Variants in OCA2 observed in about 807,000 individuals in gnomAD.
OCA2 encodes OCA2 melanosomal transmembrane protein, also known as P protein.
In OCA2, 77 loss-of-function variants were observed where a neutral mutation model predicts 100.2. The ratio of observed to expected loss-of-function variants is 0.77; its 90% CI spans 0.64 to 0.93. The LOEUF (loss-of-function observed/expected upper bound fraction) is 0.93, where lower values mean the gene tolerates loss of function less well. OCA2 is among the 40% of genes least tolerant of loss of function. OCA2 has a pLI of 0.00. For synonymous variants in OCA2, 432 were observed against 439.2 expected, an observed-to-expected ratio of 0.98 and a Z score of 0.21; for missense variants, 1,062 against 1,089.1, an observed-to-expected ratio of 0.98 and a Z score of 0.35.
At chr15:27,846,930 T>C (rs2035558735) in intron 22 of OCA2, among the ~76,000 whole-genome samples, 1 of 152,046 alleles carries the variant, frequency 6.6e-6, no homozygotes, top group Non-Finnish European at 1.5e-5. Context: ...AGGGCTGGCT[T>C]ATGTCATGGG....
chr15:27,816,808 A>C (rs567042573), intron 23 of OCA2, among the ~76,000 whole-genome samples: 1 of 152,136 alleles, frequency 6.6e-6, no homozygotes, highest in Non-Finnish European at 1.5e-5. Flanking sequence ...CTATAGGAGC[A>C]GGAGGCTTCT....
chr15:27,792,878 G>A lies in OCA2; in HGVS notation c.2433-37406C>T, dbSNP rs145438380. 3.7e-3 allele frequency among the ~76,000 whole-genome samples: 565 copies of A among 152,326 alleles called. 2 individuals are homozygous for A. The highest frequency in any genetic ancestry group is 6.1e-3 in the Non-Finnish European group (416 of 68,032). On this transcript the variant is annotated intron_variant, in intron 23 of 23. Coordinates refer to ENST00000354638, the MANE Select transcript of OCA2 (RefSeq NM_000275.3). The stretch of plus-strand genomic sequence containing the variant: ...AAGTGAGGCTAAACAGGAGAGCAGA[G>A]GGGAAAAGCAGCGCCCTGTGTGGCC...
chr15:27,783,129 T>A (rs2032630210), intron 23 of OCA2, among the ~76,000 whole-genome samples: 1 of 152,184 alleles, frequency 6.6e-6, no homozygotes. Flanking sequence ...TAAGAAGACA[T>A]TGTTCAAACT....
At chr15:27,726,489 G>A in the OCA2 span, among the ~76,000 whole-genome samples, 12 of 152,164 alleles carry the variant, frequency 7.9e-5, no homozygotes, top group African/African-American at 2.7e-4. Flanking sequence ...TCCTGACTCC[G>A]GTTGTACTGT....
chr15:28,053,085 C>T (rs2043567094), intron 2 of OCA2, among the ~76,000 whole-genome samples: 1 of 152,156 alleles, frequency 6.6e-6, no homozygotes, highest in Non-Finnish European at 1.5e-5. Flanking sequence ...CTTTCAAAAG[C>T]GAGACTGGAA....
At chr15:27,987,523 T>G (rs62001434) in intron 11 of OCA2, among the ~76,000 whole-genome samples, 19 of 149,122 alleles carry the variant, frequency 1.3e-4, no homozygotes, top group Admixed American at 2.0e-4. Context: ...ATCGAGACCC[T>G]CCTGGCTAAC....
At position 28,051,278 on chromosome 15, in the gene OCA2, C is replaced by T. The variant is rs368544791; in HGVS notation, c.228-19115G>A. Among the ~76,000 whole-genome samples, 959 of 152,138 alleles carry T rather than the reference C, an allele frequency of 6.3e-3. 10 individuals carry two copies. Among genetic ancestry groups the T allele is most frequent in the African/African-American group, 0.022 (899 of 41,448 alleles). The stretch of plus-strand genomic sequence containing the variant: ...AGTTGGGAAATCTACAGACATTTCC[C>T]TTTATGGTTTTGTTTTGTTTTGTTT... On this transcript the variant is annotated intron_variant, in intron 2 of 23. Transcript: ENST00000354638.
intron 14 of OCA2, among the ~76,000 whole-genome samples, chr15:27,970,089 T>C (rs1357681846): frequency 6.6e-6 from 1 of 150,762 alleles, no homozygotes; most frequent in Non-Finnish European, 1.5e-5. Context: ...AAGGGATCCA[T>C]CAAGCATAGG....
chr15:28,079,299 GTTT>G lies in OCA2; in HGVS notation c.227+2346_227+2348del, dbSNP rs58836608. Reference sequence around the variant, plus strand: ...GTATCTTTTCTCTGATAAGATTACTGTTTTTTTTTTTTTCATTTTCTGCCTATT... The same window carrying G: ...GTATCTTTTCTCTGATAAGATTACTGTTTTTTTTTTCATTTTCTGCCTATT... On this transcript the variant is annotated intron_variant, in intron 2 of 23. Coordinates refer to ENST00000354638, the MANE Select transcript of OCA2 (RefSeq NM_000275.3). Among the ~76,000 whole-genome samples, 127 of 145,866 alleles carry G rather than the reference GTTT, an allele frequency of 8.7e-4. 1 individual carries two copies. Among genetic ancestry groups the G allele is most frequent in the Middle Eastern group, 3.5e-3 (1 of 282 alleles).
At chr15:27,978,677 G>A (rs924893348) in intron 14 of OCA2, among the ~76,000 whole-genome samples, 2 of 151,832 alleles carry the variant, frequency 1.3e-5, no homozygotes, top group African/African-American at 4.8e-5. Context: ...TATATAGAGA[G>A]AGAGAGAGAG....
intron 21 of OCA2, among the ~76,000 whole-genome samples, chr15:27,859,891 TATAAA>T (rs75598633): frequency 6.6e-6 from 1 of 151,974 alleles, no homozygotes; most frequent in African/African-American, 2.4e-5. Flanking sequence ...GGAAACAAAA[TATAAA>T]ATAAAATAAA....
intron 2 of OCA2, among the ~76,000 whole-genome samples, chr15:28,070,441 G>T (rs1441883073): frequency 8.3e-6 from 1 of 120,544 alleles, no homozygotes; most frequent in Non-Finnish European, 1.6e-5. Flanking sequence ...GAGGGAGATG[G>T]GGGGGTCAGC....
chr15:27,913,827 AAAGAAAGAAAG>A (rs2038499663), intron 19 of OCA2, among the ~76,000 whole-genome samples: 1 of 74,028 alleles, frequency 1.4e-5, no homozygotes, highest in African/African-American at 4.8e-5. Context: ...AGAAAGAAAG[AAAGAAAGAAAG>A]GAAAGAAAGA....
At chr15:27,815,816 G>A (rs74984391) in intron 23 of OCA2, among the ~76,000 whole-genome samples, 3,156 of 152,306 alleles carry the variant, frequency 0.021, 43 homozygotes, top group Non-Finnish European at 0.029. Flanking sequence ...AGTGACCCCC[G>A]TGTTTATGTT....
chr15:28,042,953 G>A (rs750763439), intron 2 of OCA2, among the ~76,000 whole-genome samples: 20 of 152,028 alleles, frequency 1.3e-4, no homozygotes, highest in Non-Finnish European at 2.5e-4. Context: ...ACCTTTGTTC[G>A]AACAACTAGT....
At chr15:27,825,348 T>C (rs1243655999) in intron 23 of OCA2, among the ~76,000 whole-genome samples, 4 of 152,132 alleles carry the variant, frequency 2.6e-5, no homozygotes, top group Non-Finnish European at 4.4e-5. Flanking sequence ...TCCCCCCTTG[T>C]AGACAAGCCA....
At chr15:27,858,541 G>T (rs562396921) in intron 21 of OCA2, among the ~76,000 whole-genome samples, 1 of 152,082 alleles carries the variant, frequency 6.6e-6, no homozygotes, top group African/African-American at 2.4e-5. Flanking sequence ...AACCAAAATA[G>T]AACTGAGGTG....
intron 19 of OCA2, among the ~76,000 whole-genome samples, chr15:27,924,841 G>T (rs903581602): frequency 6.6e-6 from 1 of 152,120 alleles, no homozygotes; most frequent in Non-Finnish European, 1.5e-5. Flanking sequence ...AATGGGGGTG[G>T]ATTGAATATT....
At chr15:27,739,440 C>CTTTTTT in the OCA2 span, among the ~76,000 whole-genome samples, 4 of 100,062 alleles carry the variant, frequency 4.0e-5, no homozygotes, top group African/African-American at 1.3e-4. Context: ...TAATTTCTTT[C>CTTTTTT]TTTTTTTTTT....
Sources: gnomAD v4.1 joint callset for allele counts (sites outside exome capture counted in the v4.1 genomes callset) on GRCh38, gnomAD v4.1.1 for gene constraint, MANE v1.5 for transcripts, NCBI Gene and HGNC (gene_info 2026-07-23, HGNC 2026-07-21) for gene names.